The following CRACR2A variants were observed in gnomAD, a reference collection of about 807,000 sequenced individuals.
CRACR2A encodes the protein EF-hand calcium-binding domain-containing protein 4B.
Under a neutral mutation model 90.5 loss-of-function variants are expected in CRACR2A, and 79 were observed. That is an observed-to-expected ratio of 0.87 (90% CI 0.73 to 1.05). The LOEUF is 1.05. CRACR2A is among the 50% of genes least tolerant of loss of function. The probability of loss-of-function intolerance (pLI) is 0.00; values close to 1 mark genes in which losing one functional copy is unlikely to be tolerated. For missense variants in CRACR2A, 823 were observed against 897.2 expected, an observed-to-expected ratio of 0.92 and a Z score of 1.06; for synonymous variants, 338 against 356.7, an observed-to-expected ratio of 0.95 and a Z score of 0.59.
chr12:3,619,902 C>T (rs1375122390), intron 17 of CRACR2A, among the ~76,000 whole-genome samples: 1 of 152,240 alleles, frequency 6.6e-6, no homozygotes, highest in Non-Finnish European at 1.5e-5. Flanking sequence ...AAATCTGCCT[C>T]ATGGTCTTGC....
intron 2 of CRACR2A, chr12:3,730,787 G>T (rs1183817956): frequency 6.6e-6 from 1 of 152,190 alleles, no homozygotes; most frequent in Non-Finnish European, 1.5e-5. Flanking sequence ...TCTGCAAAAA[G>T]AAATCCTGGA....
At chr12:3,622,887 G>A (rs1426648518) in intron 17 of CRACR2A, among the ~76,000 whole-genome samples, 3 of 152,058 alleles carry the variant, frequency 2.0e-5, no homozygotes, top group African/African-American at 7.3e-5. Context: ...AGCACTTCAA[G>A]CTCAACTTGG....
chr12:3,678,794 G>A lies in CRACR2A; in HGVS notation c.524+121C>T, dbSNP rs962124276. 13 of 1,137,334 alleles carry A rather than the reference G, an allele frequency of 1.1e-5. No individual in the cohort carries two copies. In the South Asian group the frequency reaches 2.0e-4, roughly 18 times the overall value. 70.5% of individuals were successfully genotyped at this position (1,137,334 alleles called of 1,614,324 possible). A position where few individuals can be genotyped will look rare whatever the true frequency, so the allele number is the denominator to read the frequency against. On this transcript the variant is annotated intron_variant, in intron 6 of 19. Coordinates refer to ENST00000440314, the MANE Select transcript of CRACR2A (RefSeq NM_001144958.2). ...TGGCAGAACCAGCGGGCCTTTACCT[G>A]CACTGCATTCCAGTGCAGGGACCAG...
chr12:3,631,348 C>T (rs1944372419), intron 15 of CRACR2A, among the ~76,000 whole-genome samples: 1 of 152,156 alleles, frequency 6.6e-6, no homozygotes, highest in East Asian at 1.9e-4. Flanking sequence ...GTAAACGGAT[C>T]CTGATTTTGT....
At chr12:3,680,470 G>C (rs1439529918) in intron 4 of CRACR2A, 121 bp from the exon 5 acceptor site, 1 of 729,106 alleles carries the variant, frequency 1.4e-6, no homozygotes, top group African/African-American at 1.8e-5. Flanking sequence ...ACAAAAGCCA[G>C]TAGAAAGCTT....
chr12:3,714,358 A>C (rs1946051885), intron 2 of CRACR2A, among the ~76,000 whole-genome samples: 1 of 152,178 alleles, frequency 6.6e-6, no homozygotes, highest in African/African-American at 2.4e-5. Context: ...GTGCTGGAGC[A>C]AGATAACCCC....
chr12:3,655,127 G>A (rs1266298361), intron 9 of CRACR2A, among the ~76,000 whole-genome samples: 3 of 152,154 alleles, frequency 2.0e-5, no homozygotes, highest in Non-Finnish European at 2.9e-5. Flanking sequence ...TAATGAATAT[G>A]GCCGGCAAGG....
At chr12:3,732,241 C>T (rs1946370966) in intron 2 of CRACR2A, 1 of 152,176 alleles carries the variant, frequency 6.6e-6, no homozygotes, top group African/African-American at 2.4e-5. Flanking sequence ...GAGTACCCGA[C>T]CTTGTGAAGA....
chr12:3,617,322 C>T (rs1185868638), intron 18 of CRACR2A, among the ~76,000 whole-genome samples: 1 of 152,220 alleles, frequency 6.6e-6, no homozygotes, highest in African/African-American at 2.4e-5. Context: ...CTCTCAAGTA[C>T]ACACATGCTC....
At chr12:3,731,119 A>C (rs1946353656) in intron 2 of CRACR2A, 1 of 152,244 alleles carries the variant, frequency 6.6e-6, no homozygotes, top group Non-Finnish European at 1.5e-5. Context: ...TAGGTTGTTC[A>C]GTATCTGGTG....
intron 2 of CRACR2A, among the ~76,000 whole-genome samples, chr12:3,714,640 T>C (rs1269499595): frequency 1.3e-5 from 2 of 152,232 alleles, no homozygotes; most frequent in Non-Finnish European, 2.9e-5. Flanking sequence ...TAAGAGATGA[T>C]TTTTATTTTC....
chr12:3,675,470 C>T (rs1945320081), intron 6 of CRACR2A, among the ~76,000 whole-genome samples: 1 of 152,110 alleles, frequency 6.6e-6, no homozygotes, highest in Admixed American at 6.5e-5. Context: ...GAAGGCAGAG[C>T]CCTCACAAAT....
intron 13 of CRACR2A, 59 bp from the exon 14 acceptor site, chr12:3,638,513 G>A (rs1173675352): frequency 3.4e-6 from 5 of 1,463,002 alleles, no homozygotes; most frequent in African/African-American, 2.8e-5. Flanking sequence ...TTCAATACGG[G>A]CTGCATAACA....
At chr12:3,616,138 CA>C (rs1867676731) in intron 19 of CRACR2A, among the ~76,000 whole-genome samples, 1 of 152,266 alleles carries the variant, frequency 6.6e-6, no homozygotes, top group African/African-American at 2.4e-5. Context: ...CCCAGGGAGT[CA>C]GGGGCAGAGA....
chr12:3,641,669 C>T, intron 13 of CRACR2A, 63 bp downstream of exon 13: 2 of 1,465,352 alleles, frequency 1.4e-6, no homozygotes, highest in South Asian at 2.4e-5. Flanking sequence ...TGAGTATGGG[C>T]CCAGAGCCAG....
chr12:3,675,703 T>C (rs1945323389), intron 6 of CRACR2A, among the ~76,000 whole-genome samples: 1 of 152,158 alleles, frequency 6.6e-6, no homozygotes, highest in African/African-American at 2.4e-5. Context: ...TGGGAGTACC[T>C]CACTAATAAA....
chr12:3,688,902 C>T (rs965926177), intron 4 of CRACR2A, among the ~76,000 whole-genome samples: 9 of 152,010 alleles, frequency 5.9e-5, no homozygotes, highest in African/African-American at 9.7e-5. Flanking sequence ...GATCTTTCAC[C>T]TTCCTGGTTA....
At chr12:3,624,794 C>A (rs1427390881) in intron 17 of CRACR2A, among the ~76,000 whole-genome samples, 1 of 152,230 alleles carries the variant, frequency 6.6e-6, no homozygotes, top group East Asian at 1.9e-4. Flanking sequence ...GAATCTCAGA[C>A]CCCAGTCCCG....
intron 1 of CRACR2A, among the ~76,000 whole-genome samples, chr12:3,739,990 T>C (rs530483598): frequency 8.1e-4 from 124 of 152,148 alleles, no homozygotes; most frequent in Non-Finnish European, 1.3e-3. Context: ...CCCCAGATTC[T>C]AGATGAACTC....
Sources: gnomAD v4.1 joint callset for allele counts (sites outside exome capture counted in the v4.1 genomes callset) on GRCh38, gnomAD v4.1.1 for gene constraint, MANE v1.5 for transcripts, NCBI Gene and HGNC (gene_info 2026-07-23, HGNC 2026-07-21) for gene names.